The following ADGRG7 variants were observed in gnomAD, a reference collection of about 807,000 sequenced individuals.
ADGRG7 encodes adhesion G protein-coupled receptor G7, also known as G-protein coupled receptor 128.
ADGRG7 carries 82 observed loss-of-function variants against 88.6 expected under a neutral mutation model. The observed-to-expected ratio is 0.93, with a 90% CI of 0.77 to 1.11. ADGRG7 has a LOEUF of 1.11. Among genes scored for constraint, ADGRG7 ranks in the 50% most tolerant of loss-of-function variants. ADGRG7 has a pLI of 0.00. For missense variants in ADGRG7, 945 were observed against 953.4 expected (o/e 0.99, Z 0.12); for synonymous variants, 381 against 345.2 (o/e 1.10, Z -1.15).
intron 15 of ADGRG7, among the ~76,000 whole-genome samples, chr3:100,693,547 A>G (rs890917643): frequency 4.6e-5 from 7 of 152,232 alleles, no homozygotes; most frequent in Non-Finnish European, 4.4e-5. Context: ...TTTCCAGAGT[A>G]CCAGAAGTCT....
intron 13 of ADGRG7, among the ~76,000 whole-genome samples, chr3:100,657,946 A>T (rs1284208725): frequency 6.6e-6 from 1 of 152,212 alleles, no homozygotes; most frequent in Non-Finnish European, 1.5e-5. Flanking sequence ...GTGTATAATA[A>T]TGGTGTTTTA....
At chr3:100,688,008 G>A (rs1434383743) in intron 15 of ADGRG7, among the ~76,000 whole-genome samples, 2 of 152,050 alleles carry the variant, frequency 1.3e-5, no homozygotes, top group Admixed American at 6.6e-5. Context: ...ATCTGGTACT[G>A]GACTTTTTTT....
intron 15 of ADGRG7, among the ~76,000 whole-genome samples, chr3:100,679,310 TTCAG>T (rs2149039187): frequency 6.6e-6 from 1 of 152,316 alleles, no homozygotes; most frequent in African/African-American, 2.4e-5. Flanking sequence ...CCAAAGGCTC[TTCAG>T]TCAGTCTGTG....
intron 15 of ADGRG7, among the ~76,000 whole-genome samples, chr3:100,669,312 C>G (rs372820587): frequency 1.3e-5 from 2 of 151,782 alleles, no homozygotes; most frequent in Admixed American, 1.3e-4. Context: ...TGGGGAAACC[C>G]CATCTCTACT....
intron 1 of ADGRG7, among the ~76,000 whole-genome samples, chr3:100,627,035 A>G (rs550012657): frequency 5.9e-5 from 9 of 152,226 alleles, no homozygotes; most frequent in South Asian, 2.1e-4. Context: ...ATCATCTGCA[A>G]TTCCTTCTTA....
In ADGRG7 at chr3:100,628,292, C is replaced by G. The variant is rs147314001; in HGVS notation, c.116-1306C>G. ...TTTAAAAACGTTTGTGCAATTATTA[C>G]CATTGTTATCTATGAGAGGGTTAAT... On this transcript the variant is annotated intron_variant, in intron 1 of 15. Transcript: ENST00000273352. 3.6e-3 allele frequency among the ~76,000 whole-genome samples: 544 copies of G among 151,950 alleles called. 5 individuals carry two copies. Among genetic ancestry groups the G allele is most frequent in the Non-Finnish European group, 5.3e-3 (362 of 67,956 alleles).
intron 1 of ADGRG7, among the ~76,000 whole-genome samples, chr3:100,620,557 A>G (rs1178841916): frequency 6.6e-6 from 1 of 152,216 alleles, no homozygotes; most frequent in African/African-American, 2.4e-5. Context: ...AGTTCTGGCC[A>G]GGGCAATCAG....
At chr3:100,643,023 C>T (rs957836726) in intron 6 of ADGRG7, among the ~76,000 whole-genome samples, 1 of 152,190 alleles carries the variant, frequency 6.6e-6, no homozygotes, top group Non-Finnish European at 1.5e-5. Context: ...TGAGTTCTAC[C>T]TTTTTGCCAT....
At chr3:100,620,256 A>G (rs1199616885) in intron 1 of ADGRG7, among the ~76,000 whole-genome samples, 1 of 152,242 alleles carries the variant, frequency 6.6e-6, no homozygotes, top group Non-Finnish European at 1.5e-5. Context: ...GGTTCAACAT[A>G]CGCAAATCAA....
chr3:100,688,611 T>C (rs2094987464), intron 15 of ADGRG7, among the ~76,000 whole-genome samples: 1 of 152,250 alleles, frequency 6.6e-6, no homozygotes, highest in African/African-American at 2.4e-5. Flanking sequence ...AACATCTTTA[T>C]TTCTGCCTTC....
rs139133596 is a variant in ADGRG7 at position 100,645,989 on chromosome 3, C to A, written c.991C>A (p.Leu331Ile). The part of the protein sequence containing the change: ...CGFVVYQNDK[L>I]FQSKTFTAKS... The stretch of plus-strand genomic sequence containing the variant: ...CTTTGTAGTTTATCAAAATGACAAG[C>A]TTTTCCAATCAAAAACTTTTACAGC... The change falls in exon 9 of 16, where the codon CTT becomes ATT. Residue 331 changes from leucine (L) to isoleucine (I), a missense_variant. By Grantham distance (5) the Leu-to-Ile change is conservative. Coordinates refer to ENST00000273352, the MANE Select transcript of ADGRG7 (RefSeq NM_032787.3). 8.1e-6 allele frequency: 13 copies of A among 1,613,668 alleles called. No homozygotes were observed. The highest frequency in any genetic ancestry group is 2.2e-5 in the East Asian group (1 of 44,870).
intron 1 of ADGRG7, among the ~76,000 whole-genome samples, chr3:100,628,366 T>C (rs990865536): frequency 7.7e-6 from 1 of 129,842 alleles, no homozygotes; most frequent in Non-Finnish European, 1.7e-5. Flanking sequence ...CTGCCACTTG[T>C]TTTTTTTGTT....
intron 15 of ADGRG7, among the ~76,000 whole-genome samples, chr3:100,671,488 C>T (rs549104955): frequency 2.6e-5 from 4 of 152,286 alleles, no homozygotes; most frequent in Non-Finnish European, 4.4e-5. Flanking sequence ...AAAATTTTCT[C>T]CCATTCTGTA....
intron 10 of ADGRG7, among the ~76,000 whole-genome samples, chr3:100,649,313 A>T (rs897467097): frequency 5.3e-5 from 8 of 152,252 alleles, no homozygotes; most frequent in African/African-American, 1.9e-4. Context: ...CAGTATTTTC[A>T]GAGTGCAAAA....
intron 1 of ADGRG7, among the ~76,000 whole-genome samples, chr3:100,624,079 G>T (rs190081946): frequency 1.6e-4 from 24 of 152,220 alleles, no homozygotes; most frequent in Non-Finnish European, 2.6e-4. Flanking sequence ...GGGTCAAACG[G>T]TATTTCTGGT....
rs555138859 is a variant in ADGRG7, at chr3:100,682,967, G to A, written c.2137-11777G>A. Among the ~76,000 whole-genome samples, 4 of 152,224 alleles carry A rather than the reference G, an allele frequency of 2.6e-5. No homozygotes were observed. The East Asian group carries it at 7.8e-4, about 30-fold the overall frequency. ...AGGCAGACAGGCTTTTGGGTGGAAG[G>A]GGGAGGGTCCGTGGTGAAGCCCCAC... On this transcript the variant is annotated intron_variant, in intron 15 of 15. Coordinates refer to ENST00000273352, the MANE Select transcript of ADGRG7 (RefSeq NM_032787.3).
chr3:100,665,320 G>A (rs1012149239), intron 14 of ADGRG7: 2 of 540,650 alleles, frequency 3.7e-6, no homozygotes, highest in Non-Finnish European at 7.6e-6. Context: ...AGTTCATCTG[G>A]TGAAATACCC....
chr3:100,657,288 T>C (rs1009905350), intron 13 of ADGRG7, among the ~76,000 whole-genome samples: 1 of 152,180 alleles, frequency 6.6e-6, no homozygotes, highest in African/African-American at 2.4e-5. Context: ...CTTCAGGATA[T>C]ATTGAAACTC....
intron 1 of ADGRG7, among the ~76,000 whole-genome samples, chr3:100,612,659 A>G (rs1707169766): frequency 1.3e-5 from 2 of 152,174 alleles, no homozygotes; most frequent in Non-Finnish European, 2.9e-5. Context: ...CTCAAAACAC[A>G]TGAGTAGTGC....
Sources: gnomAD v4.1 joint callset for allele counts (sites outside exome capture counted in the v4.1 genomes callset) on GRCh38, gnomAD v4.1.1 for gene constraint, MANE v1.5 for transcripts, NCBI Gene and HGNC (gene_info 2026-07-23, HGNC 2026-07-21) for gene names.